Variants in CNTN1 observed in about 807,000 individuals in gnomAD.
CNTN1 encodes contactin-1.
CNTN1 carries 38 observed loss-of-function variants against 126.4 expected under a neutral mutation model. That is an observed-to-expected ratio of 0.30 (90% CI 0.23 to 0.39). The LOEUF (loss-of-function observed/expected upper bound fraction) is 0.39. CNTN1 is among the 10% of genes least tolerant of loss of function. The pLI, the probability that CNTN1 is intolerant of heterozygous loss-of-function variation, is 1.00. For synonymous variants in CNTN1, 413 were observed against 422.6 expected (o/e 0.98, Z 0.28); for missense variants, 1,009 against 1,248.4 (o/e 0.81, Z 2.89).
At chr12:40,801,658 T>C (rs982517676) in intron 1 of CNTN1, among the ~76,000 whole-genome samples, 6 of 151,676 alleles carry the variant, frequency 4.0e-5, no homozygotes, top group Non-Finnish European at 8.8e-5. Context: ...GGCTGGAATG[T>C]GGTGAAGGAG....
intron 1 of CNTN1, among the ~76,000 whole-genome samples, chr12:40,698,505 A>G (rs942534614): frequency 2.0e-5 from 3 of 151,928 alleles, no homozygotes; most frequent in Admixed American, 6.6e-5. Context: ...CAAAGTGCTG[A>G]GATTACAGGC....
chr12:40,702,060 C>G (rs559518006), intron 1 of CNTN1, among the ~76,000 whole-genome samples: 8 of 151,694 alleles, frequency 5.3e-5, no homozygotes, highest in African/African-American at 1.9e-4. Flanking sequence ...TTTTTAGAAT[C>G]TACATAAACG....
rs762997084 is a variant in CNTN1 at position 40,870,395 on chromosome 12, CA to C, written c.-76-37960del. Among the ~76,000 whole-genome samples, 3 of 152,100 alleles carry C rather than the reference CA, an allele frequency of 2.0e-5. No individual in the cohort carries two copies. In the South Asian group the frequency reaches 6.2e-4, roughly 32 times the overall value. ...CATTTGGGATCTCTTTTTCAATTCT[CA>C]AGGCAAAAATAAGATAATTTATATG... On this transcript the variant is annotated intron_variant, in intron 1 of 23. Transcript: ENST00000551295.
intron 1 of CNTN1, among the ~76,000 whole-genome samples, chr12:40,701,547 G>A (rs1210798709): frequency 6.6e-6 from 1 of 152,022 alleles, no homozygotes; most frequent in Admixed American, 6.6e-5. Flanking sequence ...GCTGTTTACT[G>A]TAATAGAATT....
chr12:40,819,081 A>AG (rs535997314), intron 1 of CNTN1, among the ~76,000 whole-genome samples: 1,624 of 152,186 alleles, frequency 0.011, 15 homozygotes, highest in Non-Finnish European at 0.016. Context: ...TCTGCCCTTG[A>AG]GGGGGACTAA....
chr12:40,834,441 A>G (rs990961914), intron 1 of CNTN1, among the ~76,000 whole-genome samples: 1 of 152,188 alleles, frequency 6.6e-6, no homozygotes, highest in Admixed American at 6.5e-5. Flanking sequence ...AAAAGATACT[A>G]GTCATGATAG....
intron 1 of CNTN1, among the ~76,000 whole-genome samples, chr12:40,808,778 C>G (rs546286529): frequency 6.6e-6 from 1 of 151,800 alleles, no homozygotes; most frequent in African/African-American, 2.4e-5. Context: ...TGAATATTTG[C>G]GAAAGAAAGA....
At position 40,731,162 on chromosome 12, in the gene CNTN1, G is replaced by T. The variant is rs1256282130; in HGVS notation, c.-77+38570G>T. Among the ~76,000 whole-genome samples the T allele has an allele frequency of 2.0e-5, 3 of 151,894 alleles. No individual in the cohort carries two copies. In the East Asian group the frequency reaches 5.8e-4, roughly 29 times the overall value. ...TAATTTAATATTTGTTCTTTGACAA[G>T]GTCATTAAAATAGACCAATCCTTGG... is the stretch of plus-strand genomic sequence containing the variant. On this transcript the variant is annotated intron_variant, in intron 1 of 23. Coordinates refer to ENST00000551295, the MANE Select transcript of CNTN1 (RefSeq NM_001843.4).
intron 1 of CNTN1, among the ~76,000 whole-genome samples, chr12:40,788,705 A>G (rs950543489): frequency 1.3e-5 from 2 of 152,104 alleles, no homozygotes; most frequent in Non-Finnish European, 2.9e-5. Context: ...ACCTATTATT[A>G]CCTTCCCCCA....
At chr12:40,730,430 T>G (rs1475350024) in intron 1 of CNTN1, among the ~76,000 whole-genome samples, 1 of 152,206 alleles carries the variant, frequency 6.6e-6, no homozygotes, top group Admixed American at 6.5e-5. Flanking sequence ...GTGAGTCAAG[T>G]GTGCTGTTAG....
At chr12:40,898,578 G>T (rs1373350819) in intron 1 of CNTN1, among the ~76,000 whole-genome samples, 2 of 152,124 alleles carry the variant, frequency 1.3e-5, no homozygotes, top group South Asian at 2.1e-4. Context: ...AGAAATGAGG[G>T]CCTAAATAAT....
chr12:40,913,234 T>C (rs1419947385), intron 3 of CNTN1, among the ~76,000 whole-genome samples: 1 of 152,236 alleles, frequency 6.6e-6, no homozygotes, highest in Non-Finnish European at 1.5e-5. Context: ...CTATTACCCA[T>C]GACCCTAAAA....
intron 3 of CNTN1, among the ~76,000 whole-genome samples, chr12:40,910,373 A>G (rs1944983097): frequency 6.6e-6 from 1 of 152,192 alleles, no homozygotes; most frequent in Admixed American, 6.5e-5. Context: ...GCTTTGTAAC[A>G]ATGCTATGCG....
At chr12:40,737,365 A>ATATATATG (rs1397513790) in intron 1 of CNTN1, among the ~76,000 whole-genome samples, 4 of 142,074 alleles carry the variant, frequency 2.8e-5, no homozygotes, top group Non-Finnish European at 4.6e-5. Flanking sequence ...GTGTGTATAT[A>ATATATATG]TATATATATA....
chr12:40,728,271 A>T (rs1240721144), intron 1 of CNTN1, among the ~76,000 whole-genome samples: 1 of 152,150 alleles, frequency 6.6e-6, no homozygotes, highest in African/African-American at 2.4e-5. Context: ...ACTCCAGGAC[A>T]TTCTTAAGTA....
intron 1 of CNTN1, among the ~76,000 whole-genome samples, chr12:40,830,481 C>T: frequency 6.6e-6 from 1 of 151,410 alleles, no homozygotes; most frequent in South Asian, 2.1e-4. Flanking sequence ...AAACATCAAA[C>T]ATAAGATTTT....
intron 23 of CNTN1, among the ~76,000 whole-genome samples, chr12:41,033,724 G>T (rs1037757933): frequency 7.9e-5 from 12 of 151,924 alleles, no homozygotes; most frequent in Non-Finnish European, 1.6e-4. Flanking sequence ...CCAGGTTATT[G>T]CCATAGAATG....
intron 23 of CNTN1, among the ~76,000 whole-genome samples, chr12:41,036,429 C>A (rs1002038473): frequency 5.2e-4 from 79 of 152,036 alleles, no homozygotes; most frequent in Middle Eastern, 6.8e-3. Flanking sequence ...GAGAACCAAG[C>A]CAAATGTGGA....
chr12:40,896,389 A>C (rs911306791), intron 1 of CNTN1, among the ~76,000 whole-genome samples: 41 of 152,122 alleles, frequency 2.7e-4, no homozygotes, highest in African/African-American at 9.4e-4. Flanking sequence ...AATTCTCAGA[A>C]GTATGTATTA....
Sources: allele counts gnomAD v4.1 joint callset (sites outside exome capture counted in the v4.1 genomes callset), GRCh38; gene constraint gnomAD v4.1.1; transcripts MANE v1.5; gene names NCBI Gene and HGNC (gene_info 2026-07-23, HGNC 2026-07-21).